OR4D1: variants seen among roughly 807,000 people sequenced by gnomAD.
The protein encoded by OR4D1 is olfactory receptor family 4 subfamily D member 1, also known as olfactory receptor 4D1.
Under a neutral mutation model 14.2 loss-of-function variants are expected in OR4D1, and 10 were observed. The observed-to-expected ratio is 0.71, with a 90% CI of 0.44 to 1.20. The LOEUF is 1.20. Ranked by LOEUF, OR4D1 falls within the 50% of genes most tolerant of loss-of-function variation. The pLI, the probability that OR4D1 is intolerant of heterozygous loss-of-function variation, is 0.00. For synonymous variants in OR4D1, 141 were observed against 147.4 expected, an observed-to-expected ratio of 0.96 and a Z score of 0.32; for missense variants, 345 against 376.6, an observed-to-expected ratio of 0.92 and a Z score of 0.70.
chr17:58,159,109 A>G lies in OR4D1; in HGVS notation c.*3023A>G, dbSNP rs936676204. The G allele has an allele frequency of 6.6e-6, 1 of 152,218 alleles. No homozygotes were observed. The highest frequency in any genetic ancestry group is 2.4e-5 in the African/African-American group (1 of 41,458). 9.4% of individuals were successfully genotyped at this position (152,218 alleles called of 1,614,324 possible). ...AATTAAACATGTTTTATTGCAAAAA[A>G]AAGAAGAGAAAGTTATCTCACTTTT... On this transcript the variant is annotated 3_prime_UTR_variant, in exon 4 of 4. Coordinates refer to ENST00000268912, the MANE Select transcript of OR4D1 (RefSeq NM_001386095.1).
In OR4D1 at chr17:58,158,861, T is replaced by C. The variant is rs971197540; in HGVS notation, c.*2775T>C. On this transcript the variant is annotated 3_prime_UTR_variant, in exon 4 of 4. Coordinates refer to ENST00000268912, the MANE Select transcript of OR4D1 (RefSeq NM_001386095.1). ...GTGTACCTGCTGTATATGCTAAACT[T>C]ATTAGAAAATTTTATATACTTTTTA... is the stretch of plus-strand genomic sequence containing the variant. 1 of 152,416 alleles carries C rather than the reference T, an allele frequency of 6.6e-6. No individual in the cohort carries two copies. The highest frequency in any genetic ancestry group is 2.4e-5 in the African/African-American group (1 of 41,430). 9.4% of individuals were successfully genotyped at this position (152,416 alleles called of 1,614,324 possible). A position where few individuals can be genotyped will look rare whatever the true frequency, so the allele number is the denominator to read the frequency against.
At chr17:58,152,530 T>A (rs576120370) in intron 2 of OR4D1, among the ~76,000 whole-genome samples, 2 of 152,356 alleles carry the variant, frequency 1.3e-5, no homozygotes, top group Admixed American at 1.3e-4. Flanking sequence ...TTGCTTCACA[T>A]ACTCCTCTCA....
Position 58,157,954 on chromosome 17 carries a change from A to G in OR4D1, c.*1868A>G. ...CTAGGCCGGCAGGGCCACACGACAC[A>G]GCTGAAGTTTGTTCTTTAGGCGGAG... On this transcript the variant is annotated 3_prime_UTR_variant, in exon 4 of 4. Coordinates refer to ENST00000268912, the MANE Select transcript of OR4D1 (RefSeq NM_001386095.1). The G allele has an allele frequency of 1.5e-6, 1 of 678,220 alleles. No homozygotes were observed. The highest frequency in any genetic ancestry group is 2.5e-6 in the Non-Finnish European group (1 of 396,360). The allele number at this position is 678,220 out of a possible 1,614,324, so 42.0% of individuals were successfully genotyped here.
rs1967780725 is a variant in OR4D1, at chr17:58,156,815, G to C, written c.*729G>C. The C allele has an allele frequency of 3.6e-6, 1 of 276,106 alleles. No individual in the cohort carries two copies. Among genetic ancestry groups the C allele is most frequent in the African/African-American group, 2.2e-5 (1 of 44,862 alleles). 17.1% of individuals were successfully genotyped at this position (276,106 alleles called of 1,614,324 possible). Reference sequence around the variant, plus strand: ...TAGAGAGGTCTTCGTCTATAGAGAAGTATCTCTGATGAATGGTCAACTGCT... The same window carrying C: ...TAGAGAGGTCTTCGTCTATAGAGAACTATCTCTGATGAATGGTCAACTGCT... On this transcript the variant is annotated 3_prime_UTR_variant, in exon 4 of 4. Coordinates refer to ENST00000268912, the MANE Select transcript of OR4D1 (RefSeq NM_001386095.1).
At position 58,155,899 on chromosome 17, in the gene OR4D1, T is replaced by A; in HGVS notation, c.746T>A (p.Met249Lys). 6.2e-7 allele frequency: 1 copy of A among 1,613,146 alleles called. No individual in the cohort carries two copies. Among genetic ancestry groups the A allele is most frequent in the Non-Finnish European group, 8.5e-7 (1 of 1,179,116 alleles). Residue 249 changes from methionine (M) to lysine (K), a missense_variant, in exon 4 of 4, where the codon ATG becomes AAG. Met to Lys is a moderately conservative substitution (Grantham distance 95). Transcript: ENST00000268912. Reference protein sequence around the residue: ...TCTTHIIVVSMIFIPCIYIYT... With the variant: ...TCTTHIIVVSKIFIPCIYIYT... ...ACCACCCACATCATCGTGGTGTCCA[T>A]GATCTTCATTCCCTGTATCTATATC...
chr17:58,151,307 T>A (rs1174844541), intron 2 of OR4D1, among the ~76,000 whole-genome samples: 2 of 152,316 alleles, frequency 1.3e-5, no homozygotes, highest in African/African-American at 4.8e-5. Flanking sequence ...GATGTGCAGG[T>A]TTGTTACATA....
chr17:58,157,643 A>G lies in OR4D1; in HGVS notation c.*1557A>G. On this transcript the variant is annotated 3_prime_UTR_variant, in exon 4 of 4. Transcript: ENST00000268912. The stretch of plus-strand genomic sequence containing the variant: ...AAAGCTGAAAATGGCTGCAAAACCT[A>G]TGCTACCCTCCAGCTTCAGTCTCCC... The G allele has an allele frequency of 1.2e-6, 2 of 1,613,752 alleles. No homozygotes were observed. Among genetic ancestry groups the G allele is most frequent in the South Asian group, 1.1e-5 (1 of 91,056 alleles).
chr17:58,152,920 G>C (rs374865547), intron 2 of OR4D1, among the ~76,000 whole-genome samples: 2 of 152,322 alleles, frequency 1.3e-5, no homozygotes, highest in Middle Eastern at 6.8e-3. Context: ...TGGGGACAGA[G>C]CGAGACCCTG....
At chr17:58,154,240 A>G (rs1478272353) in intron 3 of OR4D1, among the ~76,000 whole-genome samples, 2 of 149,526 alleles carry the variant, frequency 1.3e-5, no homozygotes, top group African/African-American at 4.9e-5. Context: ...GATTATAGGC[A>G]TGAGCCACTG....
intron 2 of OR4D1, 111 bp downstream of exon 2, chr17:58,149,907 T>C (rs954484843): frequency 1.1e-4 from 17 of 152,360 alleles, no homozygotes; most frequent in African/African-American, 4.1e-4. Context: ...TTAGTTAACC[T>C]ATTCAAGCCA....
chr17:58,155,139 G>A lies in OR4D1; in HGVS notation c.-15G>A, dbSNP rs368974419. On this transcript the variant is annotated 5_prime_UTR_variant, in exon 4 of 4. It adds an upstream start codon to the 5' untranslated region. Transcript: ENST00000268912. The stretch of plus-strand genomic sequence containing the variant: ...GTTTCAATGGTTTCTCTGTAGGAAC[G>A]TGGGGGAAGATCCTATGGAACCACA... 2.0e-5 allele frequency: 31 copies of A among 1,579,488 alleles called. 1 individual carries two copies. The highest frequency in any genetic ancestry group is 1.8e-5 in the Admixed American group (1 of 56,884).
intron 2 of OR4D1, among the ~76,000 whole-genome samples, 32 bp from the exon 3 acceptor site, chr17:58,153,825 C>T (rs563166033): frequency 6.6e-6 from 1 of 152,140 alleles, no homozygotes; most frequent in Admixed American, 6.5e-5. Flanking sequence ...ATCATGTCTC[C>T]CTTCATGCTC....
In OR4D1 at chr17:58,156,817, A is replaced by C; in HGVS notation, c.*731A>C. ...GAGAGGTCTTCGTCTATAGAGAAGT[A>C]TCTCTGATGAATGGTCAACTGCTTC... On this transcript the variant is annotated 3_prime_UTR_variant, in exon 4 of 4. Coordinates refer to ENST00000268912, the MANE Select transcript of OR4D1 (RefSeq NM_001386095.1). 1 of 277,482 alleles carries C rather than the reference A, an allele frequency of 3.6e-6. No homozygotes were observed. The highest frequency in any genetic ancestry group is 4.3e-5 in the Admixed American group (1 of 23,520). 17.2% of individuals were successfully genotyped at this position (277,482 alleles called of 1,614,324 possible).
In OR4D1 at chr17:58,156,258, T is replaced by C. The variant is rs1014821765; in HGVS notation, c.*172T>C. ...AAGCACTTCCACGCTTTTTTTCTTTTTTTTTTTTTTTAGATGGAGCCTTGC... is the reference window on the plus strand; with the variant it reads ...AAGCACTTCCACGCTTTTTTTCTTTCTTTTTTTTTTTAGATGGAGCCTTGC... On this transcript the variant is annotated 3_prime_UTR_variant, in exon 4 of 4. Coordinates refer to ENST00000268912, the MANE Select transcript of OR4D1 (RefSeq NM_001386095.1). 1.6e-5 allele frequency: 9 copies of C among 565,170 alleles called. No individual in the cohort carries two copies. The highest frequency in any genetic ancestry group is 8.9e-5 in the East Asian group (3 of 33,706). The allele number at this position is 565,170 out of a possible 1,614,324, so 35.0% of individuals were successfully genotyped here.
rs375724182 is a variant in OR4D1, at chr17:58,155,138, C to T, written c.-16C>T. On this transcript the variant is annotated 5_prime_UTR_variant, in exon 4 of 4. In the 5' UTR this introduces an upstream ATG that the reference lacks. Coordinates refer to ENST00000268912, the MANE Select transcript of OR4D1 (RefSeq NM_001386095.1). ...TGTTTCAATGGTTTCTCTGTAGGAACGTGGGGGAAGATCCTATGGAACCAC... is the reference window on the plus strand; with the variant it reads ...TGTTTCAATGGTTTCTCTGTAGGAATGTGGGGGAAGATCCTATGGAACCAC... The T allele has an allele frequency of 3.9e-5, 61 of 1,575,032 alleles. No homozygotes were observed. The South Asian group carries it at 5.4e-4, about 14-fold the overall frequency.
chr17:58,157,187 C>T lies in OR4D1; in HGVS notation c.*1101C>T. 1 of 1,462,022 alleles carries T rather than the reference C, an allele frequency of 6.8e-7. No homozygotes were observed. The highest frequency in any genetic ancestry group is 9.0e-7 in the Non-Finnish European group (1 of 1,105,976). 90.6% of individuals were successfully genotyped at this position (1,462,022 alleles called of 1,614,324 possible). A position where few individuals can be genotyped will look rare whatever the true frequency, so the allele number is the denominator to read the frequency against. ...ACAAGAAGCCGCCCAAGGAGGCATC[C>T]CCAGTGCCGGCCAAAAGCGCCTCTT... On this transcript the variant is annotated 3_prime_UTR_variant, in exon 4 of 4. Coordinates refer to ENST00000268912, the MANE Select transcript of OR4D1 (RefSeq NM_001386095.1).
chr17:58,153,055 G>A (rs567814374), intron 2 of OR4D1, among the ~76,000 whole-genome samples: 2 of 152,224 alleles, frequency 1.3e-5, no homozygotes, highest in South Asian at 4.1e-4. Flanking sequence ...TGGAGTTGGG[G>A]ATGAAGGATT....
In OR4D1 at chr17:58,157,373, C is replaced by A; in HGVS notation, c.*1287C>A. On this transcript the variant is annotated 3_prime_UTR_variant, in exon 4 of 4. Coordinates refer to ENST00000268912, the MANE Select transcript of OR4D1 (RefSeq NM_001386095.1). ...CAGGAACCCTGCTGATAATTCGCCG[C>A]CGCCAAGACACGTGAGCCCTACCAC... The A allele has an allele frequency of 7.5e-7, 1 of 1,333,156 alleles. No homozygotes were observed. The highest frequency in any genetic ancestry group is 1.0e-6 in the Non-Finnish European group (1 of 956,662). The allele number at this position is 1,333,156 out of a possible 1,614,324, so 82.6% of individuals were successfully genotyped here. A position where few individuals can be genotyped will look rare whatever the true frequency, so the allele number is the denominator to read the frequency against.
Position 58,155,761 on chromosome 17 carries a change from G to A in OR4D1, c.608G>A (p.Ser203Asn). 6.2e-7 allele frequency: 1 copy of A among 1,614,172 alleles called. No individual in the cohort carries two copies. Among genetic ancestry groups the A allele is most frequent in the Non-Finnish European group, 8.5e-7 (1 of 1,180,020 alleles). ...SLLEFLMISN[S>N]GLLVIIWFLL... Reference sequence around the variant, plus strand: ...CTGGAGTTCCTCATGATCTCCAACAGTGGGCTGCTAGTTATCATCTGGTTC... The same window carrying A: ...CTGGAGTTCCTCATGATCTCCAACAATGGGCTGCTAGTTATCATCTGGTTC... The change falls in exon 4 of 4, where the codon AGT becomes AAT. Residue 203 changes from serine (S) to asparagine (N), a missense_variant. Transcript: ENST00000268912.
Sources: gnomAD v4.1 joint callset for allele counts (sites outside exome capture counted in the v4.1 genomes callset) on GRCh38, gnomAD v4.1.1 for gene constraint, MANE v1.5 for transcripts, NCBI Gene and HGNC (gene_info 2026-07-23, HGNC 2026-07-21) for gene names.